The following RARB variants were observed in gnomAD, a reference collection of about 807,000 sequenced individuals.
RARB encodes the protein HBV-activated protein.
A neutral mutation model predicts 51.9 loss-of-function variants in RARB; 17 were observed. That is an observed-to-expected ratio of 0.33 (90% confidence interval 0.22 to 0.49). RARB has a LOEUF of 0.49. Ranked by LOEUF, RARB falls within the 20% of genes least tolerant of loss-of-function variation. The pLI, the probability that RARB is intolerant of heterozygous loss-of-function variation, is 0.99. For synonymous variants in RARB, 215 were observed against 195.4 expected (o/e 1.10, Z -0.84); for missense variants, 369 against 550.8 (o/e 0.67, Z 3.30).
chr3:25,138,807 T>G (rs1250633352), intron 4 of RARB, among the ~76,000 whole-genome samples: 2 of 152,156 alleles, frequency 1.3e-5, no homozygotes, highest in African/African-American at 4.8e-5. Context: ...CCTCATTATA[T>G]TGTGCTTTGC....
chr3:25,023,342 AGATT>A (rs1403069665), intron 2 of RARB, among the ~76,000 whole-genome samples: 2 of 152,178 alleles, frequency 1.3e-5, no homozygotes, highest in Non-Finnish European at 2.9e-5. Flanking sequence ...CTTGAGTAGG[AGATT>A]GATTGATTAA....
intron 3 of RARB, among the ~76,000 whole-genome samples, chr3:25,079,025 G>T (rs1698934943): frequency 3.3e-5 from 5 of 151,114 alleles, no homozygotes; most frequent in African/African-American, 9.8e-5. Flanking sequence ...CCATGAACAT[G>T]GTATATCTCT....
intron 5 of RARB, among the ~76,000 whole-genome samples, chr3:25,320,668 A>G (rs1704545471): frequency 6.6e-6 from 1 of 152,226 alleles, no homozygotes; most frequent in Non-Finnish European, 1.5e-5. Context: ...CCAAACTTCT[A>G]TATATGTGAA....
intron 2 of RARB, among the ~76,000 whole-genome samples, chr3:24,869,237 A>G (rs1297639052): frequency 6.6e-6 from 1 of 152,126 alleles, no homozygotes; most frequent in African/African-American, 2.4e-5. Context: ...GATTTTTCAT[A>G]ATGTGTCTTA....
At chr3:24,860,490 G>T (rs555407111) in intron 2 of RARB, among the ~76,000 whole-genome samples, 1 of 152,000 alleles carries the variant, frequency 6.6e-6, no homozygotes, top group Non-Finnish European at 1.5e-5. Context: ...TCAAACACAC[G>T]GCAAGAGTTG....
chr3:24,972,014 C>T (rs995651399), intron 2 of RARB, among the ~76,000 whole-genome samples: 1 of 151,580 alleles, frequency 6.6e-6, no homozygotes, highest in African/African-American at 2.4e-5. Flanking sequence ...GAGTTATTCT[C>T]TTCTAGCTAT....
chr3:25,432,077 C>T (rs1027368729), intron 1 of RARB, among the ~76,000 whole-genome samples: 2 of 152,050 alleles, frequency 1.3e-5, no homozygotes, highest in Non-Finnish European at 2.9e-5. Flanking sequence ...GGGCACATGA[C>T]GGTGGTAACT....
intron 2 of RARB, among the ~76,000 whole-genome samples, chr3:25,473,676 G>A (rs772748783): frequency 1.3e-4 from 20 of 152,062 alleles, no homozygotes; most frequent in Non-Finnish European, 2.9e-4. Context: ...CCTTTTCACT[G>A]GTGTCAAGAT....
intron 1 of RARB, among the ~76,000 whole-genome samples, chr3:24,839,723 G>T (rs1443963858): frequency 3.4e-4 from 7 of 20,830 alleles, no homozygotes; most frequent in African/African-American, 1.2e-3. Context: ...AAAAAAAGGG[G>T]GGGGGGGTGG....
At chr3:24,899,575 G>A (rs976756531) in intron 2 of RARB, among the ~76,000 whole-genome samples, 1 of 152,140 alleles carries the variant, frequency 6.6e-6, no homozygotes, top group African/African-American at 2.4e-5. Flanking sequence ...GGACCCAGAG[G>A]AGTTTCTGTC....
chr3:25,345,320 T>G (rs1705355875), intron 5 of RARB, among the ~76,000 whole-genome samples: 1 of 152,152 alleles, frequency 6.6e-6, no homozygotes, highest in Non-Finnish European at 1.5e-5. Flanking sequence ...TATTTTTCCT[T>G]TTCGGCTGTT....
chr3:25,339,280 G>C (rs745436361), intron 5 of RARB, among the ~76,000 whole-genome samples: 13 of 152,316 alleles, frequency 8.5e-5, no homozygotes, highest in Non-Finnish European at 1.9e-4. Flanking sequence ...ACATCGTGAA[G>C]TATAACAACT....
At chr3:25,587,383 G>A (rs766783489) in intron 5 of RARB, among the ~76,000 whole-genome samples, 32 of 135,898 alleles carry the variant, frequency 2.4e-4, no homozygotes, top group Non-Finnish European at 4.8e-4. Context: ...AAAATAAACA[G>A]TCTTTTAAAG....
intron 5 of RARB, among the ~76,000 whole-genome samples, chr3:25,205,553 G>A (rs369842899): frequency 4.3e-4 from 66 of 151,978 alleles, no homozygotes; most frequent in East Asian, 4.1e-3. Context: ...GTTCGTATTC[G>A]GCCATCTTGG....
intron 2 of RARB, among the ~76,000 whole-genome samples, chr3:25,043,967 T>G (rs1414526667): frequency 6.6e-6 from 1 of 152,280 alleles, no homozygotes; most frequent in South Asian, 2.1e-4. Context: ...TGTGTGGATA[T>G]GGAGTGCAAG....
intron 2 of RARB, among the ~76,000 whole-genome samples, chr3:24,963,518 T>C (rs1168206623): frequency 2.0e-5 from 3 of 150,932 alleles, no homozygotes; most frequent in African/African-American, 2.4e-5. Context: ...TCCGTTACAT[T>C]ATGGCTATTA....
chr3:25,085,698 T>C (rs1341621525), intron 3 of RARB, among the ~76,000 whole-genome samples: 1 of 152,164 alleles, frequency 6.6e-6, no homozygotes, highest in African/African-American at 2.4e-5. Context: ...AAATAAACAC[T>C]TGGCTTCATC....
chr3:24,875,114 CA>C (rs1703015854), intron 2 of RARB, among the ~76,000 whole-genome samples: 1 of 151,984 alleles, frequency 6.6e-6, no homozygotes, highest in Non-Finnish European at 1.5e-5. Context: ...TACATTTTAA[CA>C]TTTGAATTTT....
chr3:25,210,817 G>C (rs1701678340), intron 5 of RARB, among the ~76,000 whole-genome samples: 1 of 152,094 alleles, frequency 6.6e-6, no homozygotes, highest in Admixed American at 6.6e-5. Context: ...TTACAGGCAT[G>C]AGCCACCATG....
Sources: gnomAD v4.1 joint callset for allele counts (sites outside exome capture counted in the v4.1 genomes callset) on GRCh38, gnomAD v4.1.1 for gene constraint, MANE v1.5 for transcripts, NCBI Gene and HGNC (gene_info 2026-07-23, HGNC 2026-07-21) for gene names.